Variants in MYO15A observed in about 807,000 individuals in gnomAD.
MYO15A encodes the protein unconventional myosin-XV.
Under a neutral mutation model 394.6 loss-of-function variants are expected in MYO15A, and 308 were observed. The observed-to-expected ratio is 0.78, with a 90% CI of 0.71 to 0.86. The LOEUF (loss-of-function observed/expected upper bound fraction) is 0.86, where lower values mean the gene tolerates loss of function less well. Among genes scored for constraint, MYO15A ranks in the 40% least tolerant of loss-of-function variants. The pLI, the probability that MYO15A is intolerant of heterozygous loss-of-function variation, is 0.00. For synonymous variants in MYO15A, 1,957 were observed against 2,003.8 expected, an observed-to-expected ratio of 0.98 and a Z score of 0.62; for missense variants, 4,606 against 4,799.1, an observed-to-expected ratio of 0.96 and a Z score of 1.19.
intron 7 of MYO15A, 119 bp downstream of exon 7, chr17:18,127,284 A>C (rs2046065542): frequency 5.6e-6 from 7 of 1,259,694 alleles, no homozygotes; most frequent in Middle Eastern, 3.7e-4. Context: ...GCTGAGTTCC[A>C]GAAGGGGGCC....
At chr17:18,158,052 T>A (rs374364872) in intron 51 of MYO15A, 152 bp downstream of exon 51, 71 of 1,102,196 alleles carry the variant, frequency 6.4e-5, no homozygotes, top group Non-Finnish European at 8.8e-5. Flanking sequence ...GTGAACCAGG[T>A]AGAGTGAGCC....
At chr17:18,175,995 C>T (rs1396265158) in intron 65 of MYO15A, among the ~76,000 whole-genome samples, 1 of 152,202 alleles carries the variant, frequency 6.6e-6, no homozygotes, top group Non-Finnish European at 1.5e-5. Context: ...TGATCCATCA[C>T]AGGGCCCATT....
At chr17:18,163,603 C>T (rs1273095130) in intron 59 of MYO15A, 139 bp from the exon 60 acceptor site, 2 of 820,520 alleles carry the variant, frequency 2.4e-6, no homozygotes, top group African/African-American at 1.7e-5. Flanking sequence ...GGCTGATTCT[C>T]AGAGACCTCA....
At chr17:18,109,946 C>T (rs1047507132) in intron 1 of MYO15A, 2 of 152,272 alleles carry the variant, frequency 1.3e-5, no homozygotes, top group African/African-American at 4.8e-5. Context: ...AGTCGAGACC[C>T]TCTCCTTCCC....
At position 18,148,193 on chromosome 17, in the gene MYO15A, A is replaced by T; in HGVS notation, c.6674A>T (p.Asp2225Val). Residue 2225 changes from aspartate (D) to valine (V), a missense_variant, in exon 31 of 66, where the codon GAC becomes GTC. Physicochemically the swap from Asp to Val is radical, Grantham distance 152 (BLOSUM62 -3). Coordinates refer to ENST00000647165, the MANE Select transcript of MYO15A (RefSeq NM_016239.4). This position sits in a 1 kb window ranked among gnomAD's most constrained non-coding sequence, Gnocchi z 4.8. ...TATGAGAAGGCCAGCATGGCGCTGG[A>T]CGTGGGCTGCTTCAATGGTAAGCTG... ...ATYEKASMALDVGCFNGDQFS... is the reference protein window; with the variant it reads ...ATYEKASMALVVGCFNGDQFS... 6.2e-7 allele frequency: 1 copy of T among 1,613,672 alleles called. No homozygotes were observed. The highest frequency in any genetic ancestry group is 8.5e-7 in the Non-Finnish European group (1 of 1,180,022).
chr17:18,126,494 G>T (rs758221633), intron 5 of MYO15A, 38 bp downstream of exon 5: 1 of 1,576,332 alleles, frequency 6.3e-7, no homozygotes. Context: ...GGTCTCTTGG[G>T]CCCCTCTTTC....
At chr17:18,129,902 A>G (rs1317105858) in intron 7 of MYO15A, among the ~76,000 whole-genome samples, 1 of 151,588 alleles carries the variant, frequency 6.6e-6, no homozygotes, top group Non-Finnish European at 1.5e-5. Context: ...GTTTTTTTTT[A>G]GACAGTCTCA....
chr17:18,173,730 G>T, intron 64 of MYO15A, 51 bp from the exon 65 acceptor site: 1 of 1,612,814 alleles, frequency 6.2e-7, no homozygotes, highest in Non-Finnish European at 8.5e-7. Flanking sequence ...AAGAGTGGTT[G>T]AGACTATCCT....
At position 18,161,440 on chromosome 17, in the gene MYO15A, C is replaced by G. The variant is rs1009210651; in HGVS notation, c.9510C>G (p.Pro3170=). The change falls in exon 57 of 66, where the codon CCC becomes CCG. Residue 3170 remains proline, a synonymous_variant. Coordinates refer to ENST00000647165, the MANE Select transcript of MYO15A (RefSeq NM_016239.4). ...LQDVSRTPGL[P]FQGIAKACEQ... is the part of the protein sequence containing the mutation. ...ACGTGAGCCGGACCCCAGGCCTGCC[C>G]TTTCAGGGTGAGAGGTCAATGAGTG... is the stretch of plus-strand genomic sequence containing the variant. 4.3e-6 allele frequency: 7 copies of G among 1,613,708 alleles called. No individual in the cohort carries two copies. Among genetic ancestry groups the G allele is most frequent in the Admixed American group, 1.7e-5 (1 of 60,006 alleles).
chr17:18,131,358 G>A lies in MYO15A; in HGVS notation c.4142+16G>A. 6.2e-7 allele frequency: 1 copy of A among 1,613,760 alleles called. No homozygotes were observed. Among genetic ancestry groups the A allele is most frequent in the Non-Finnish European group, 8.5e-7 (1 of 1,179,646 alleles). On this transcript the variant is annotated intron_variant, in intron 9 of 65. Coordinates refer to ENST00000647165, the MANE Select transcript of MYO15A (RefSeq NM_016239.4). The stretch of plus-strand genomic sequence containing the variant: ...TTCTGGAAGGGTGAGTTGGGACAGT[G>A]GAGGGCCTCCCAAAAGCCTTGCAGT...
intron 48 of MYO15A, 62 bp from the exon 49 acceptor site, chr17:18,156,892 C>T: frequency 7.0e-7 from 1 of 1,436,104 alleles, no homozygotes; most frequent in East Asian, 2.3e-5. Context: ...CAGGGGTGGC[C>T]CTAGGCCTCT....
At chr17:18,138,642 G>A (rs1022572020) in intron 17 of MYO15A, among the ~76,000 whole-genome samples, 169 bp from the exon 18 acceptor site, 1 of 152,216 alleles carries the variant, frequency 6.6e-6, no homozygotes, top group South Asian at 2.1e-4. Flanking sequence ...CCAGTGCCTA[G>A]CTAAGGCACT....
At chr17:18,135,972 C>G in intron 13 of MYO15A, 148 bp downstream of exon 13, 1 of 715,960 alleles carries the variant, frequency 1.4e-6, no homozygotes, top group East Asian at 2.7e-5. Context: ...ATTTCAGACC[C>G]CAGAGACATT....
rs926008291 is a variant in MYO15A at position 18,138,831 on chromosome 17, A to G, written c.5028A>G (p.Leu1676=). 6 of 1,613,646 alleles carry G rather than the reference A, an allele frequency of 3.7e-6. No individual in the cohort carries two copies. In the African/African-American group the frequency reaches 8.0e-5, roughly 22 times the overall value. Residue 1676 remains leucine (L), a synonymous_variant, in exon 18 of 66, where the codon CTA becomes CTG. Coordinates refer to ENST00000647165, the MANE Select transcript of MYO15A (RefSeq NM_016239.4). Reference sequence around the variant, plus strand: ...CCCAGGCTACAGACCACACCTTCCTACAGAAGTGCCACTACCATCATGGCG... The same window carrying G: ...CCCAGGCTACAGACCACACCTTCCTGCAGAAGTGCCACTACCATCATGGCG... The part of the protein sequence containing the change: ...CFPQATDHTF[L]QKCHYHHGAN...
In MYO15A at chr17:18,149,356, G is replaced by A. The variant is rs1162708053; in HGVS notation, c.7097G>A (p.Arg2366Lys). Residue 2366 changes from arginine to lysine, a missense_variant, in exon 34 of 66, where the codon AGA (arginine) becomes AAA (lysine). Arg to Lys is a conservative substitution (Grantham distance 26). This residue lies in a region of MYO15A where 2,776 missense variants were observed against 3,109.3 expected (regional missense o/e 0.89). Transcript: ENST00000647165. Reference protein sequence around the residue: ...DGTNGETEAQRGTATHQESDS... With the variant: ...DGTNGETEAQKGTATHQESDS... ...ACAAATGGGGAGACTGAGGCCCAAA[G>A]AGGGACAGCAACCCACCAAGGTCAA... 1.9e-6 allele frequency: 3 copies of A among 1,608,284 alleles called. No homozygotes were observed. Among genetic ancestry groups the A allele is most frequent in the Non-Finnish European group, 2.5e-6 (3 of 1,177,064 alleles).
intron 65 of MYO15A, among the ~76,000 whole-genome samples, 196 bp downstream of exon 65, chr17:18,174,117 G>C (rs1330519780): frequency 6.6e-6 from 1 of 152,198 alleles, no homozygotes; most frequent in Admixed American, 6.5e-5. Context: ...TGGGAACACA[G>C]GAAAGGGCAG....
At position 18,122,098 on chromosome 17, in the gene MYO15A, C is replaced by T; in HGVS notation, c.3298C>T (p.Leu1100=). 1 of 1,612,862 alleles carries T rather than the reference C, an allele frequency of 6.2e-7. No homozygotes were observed. Among genetic ancestry groups the T allele is most frequent in the Non-Finnish European group, 8.5e-7 (1 of 1,179,954 alleles). Residue 1100 remains leucine, a synonymous_variant, in exon 2 of 66, where the codon CTG becomes TTG. Coordinates refer to ENST00000647165, the MANE Select transcript of MYO15A (RefSeq NM_016239.4). ...GGCGCCCATCAGGGCCCCAGAGCCC[C>T]TGCCCAAGGGGGGTGAACGGCGCCA... ...PLAPIRAPEP[L]PKGGERRQAA...
intron 60 of MYO15A, chr17:18,164,084 C>G (rs1349463658): frequency 5.3e-6 from 3 of 561,100 alleles, no homozygotes; most frequent in Non-Finnish European, 9.7e-6. Context: ...CCCTTTGTCC[C>G]TCAGGACATG....
chr17:18,140,908 C>T (rs2046366911), intron 21 of MYO15A, 76 bp downstream of exon 21: 1 of 1,612,534 alleles, frequency 6.2e-7, no homozygotes, highest in South Asian at 1.1e-5. Context: ...AGTGGCTTGG[C>T]CTCTCAGGAC....
Sources: allele counts gnomAD v4.1 joint callset (sites outside exome capture counted in the v4.1 genomes callset), GRCh38; gene constraint gnomAD v4.1.1; regional missense constraint gnomAD v4.1.1; non-coding constraint Gnocchi (gnomAD v3.1); transcripts MANE v1.5; gene names NCBI Gene and HGNC (gene_info 2026-07-23, HGNC 2026-07-21).